LPP: variants seen among roughly 807,000 people sequenced by gnomAD.
LPP encodes LIM domain containing preferred translocation partner in lipoma, also known as lipoma-preferred partner.
A neutral mutation model predicts 60.4 loss-of-function variants in LPP; 38 were observed. The observed-to-expected ratio is 0.63, with a 90% CI of 0.49 to 0.83. LPP has a LOEUF of 0.83. Ranked by LOEUF, LPP falls within the 40% of genes least tolerant of loss-of-function variation. LPP has a pLI of 0.00. For missense variants in LPP, 902 were observed against 783.6 expected, an observed-to-expected ratio of 1.15 and a Z score of -1.80; for synonymous variants, 328 against 290.8, an observed-to-expected ratio of 1.13 and a Z score of -1.30.
At chr3:188,288,742 A>G (rs574983856) in intron 2 of LPP, among the ~76,000 whole-genome samples, 7 of 152,160 alleles carry the variant, frequency 4.6e-5, no homozygotes, top group Non-Finnish European at 1.0e-4. Flanking sequence ...CCGGGTTGAA[A>G]TACTTCTGCC....
At chr3:188,796,175 A>T (rs78153665) in intron 9 of LPP, among the ~76,000 whole-genome samples, 1 of 152,344 alleles carries the variant, frequency 6.6e-6, no homozygotes, top group East Asian at 1.9e-4. Context: ...TTAGACAGAG[A>T]TTAAGACAGG....
intron 7 of LPP, among the ~76,000 whole-genome samples, chr3:188,658,416 A>AT (rs11412618): frequency 0.98 from 149,615 of 152,126 alleles, 73,619 homozygotes; most frequent in East Asian, 1. Flanking sequence ...AACTGAAGTT[A>AT]TTTTTTAAAT....
At chr3:188,428,538 C>T (rs924715483) in intron 4 of LPP, among the ~76,000 whole-genome samples, 44 of 151,584 alleles carry the variant, frequency 2.9e-4, no homozygotes, top group African/African-American at 9.9e-4. Flanking sequence ...AGTCTTGGGT[C>T]TCACCCTCAA....
intron 7 of LPP, among the ~76,000 whole-genome samples, chr3:188,679,531 GTGTGTGT>G (rs1858953665): frequency 6.8e-6 from 1 of 146,694 alleles, no homozygotes; most frequent in Admixed American, 6.8e-5. Context: ...GTGTGTGTGT[GTGTGTGT>G]GTGTGTGTGT....
intron 8 of LPP, among the ~76,000 whole-genome samples, chr3:188,724,269 C>G (rs1442305305): frequency 6.6e-6 from 1 of 152,124 alleles, no homozygotes; most frequent in Non-Finnish European, 1.5e-5. Context: ...GCTCTTAACC[C>G]CTGCATATAC....
At chr3:188,742,003 A>C (rs566212321) in intron 8 of LPP, among the ~76,000 whole-genome samples, 50 of 152,242 alleles carry the variant, frequency 3.3e-4, no homozygotes, top group Admixed American at 5.2e-4. Flanking sequence ...AATAGATTTG[A>C]ACAGGTACTT....
chr3:188,624,575 C>G (rs977014370), intron 7 of LPP, among the ~76,000 whole-genome samples: 5 of 152,186 alleles, frequency 3.3e-5, no homozygotes, highest in African/African-American at 1.2e-4. Context: ...CGAACCTGAT[C>G]ATGTGAAAAG....
chr3:188,740,382 T>C (rs1159387145), intron 8 of LPP, among the ~76,000 whole-genome samples: 1 of 152,094 alleles, frequency 6.6e-6, no homozygotes, highest in African/African-American at 2.4e-5. Context: ...TATTCTCTAT[T>C]GGAGCATACC....
At chr3:188,560,452 G>A (rs1410926508) in intron 6 of LPP, among the ~76,000 whole-genome samples, 4 of 152,066 alleles carry the variant, frequency 2.6e-5, no homozygotes, top group Admixed American at 2.0e-4. Context: ...TATCTCCTAC[G>A]TAATGTAGTT....
intron 9 of LPP, among the ~76,000 whole-genome samples, chr3:188,836,626 TCTATTAGATGCGCTC>T (rs1479523136): frequency 6.6e-6 from 1 of 152,250 alleles, no homozygotes; most frequent in Non-Finnish European, 1.5e-5. Flanking sequence ...GCTGCTTAAT[TCTATTAGATGCGCTC>T]CCTAGGCTTT....
chr3:188,615,929 G>A (rs571326105), intron 7 of LPP, among the ~76,000 whole-genome samples: 43 of 152,114 alleles, frequency 2.8e-4, no homozygotes, highest in Non-Finnish European at 5.9e-4. Flanking sequence ...TTTTTGATGA[G>A]GTTGTTTGTT....
intron 9 of LPP, among the ~76,000 whole-genome samples, chr3:188,768,726 A>T (rs1480402551): frequency 1.3e-5 from 2 of 152,224 alleles, no homozygotes; most frequent in African/African-American, 4.8e-5. Context: ...TTTAAGAAAT[A>T]AAACATTAAA....
intron 5 of LPP, among the ~76,000 whole-genome samples, chr3:188,515,609 G>A (rs1040447149): frequency 6.6e-6 from 1 of 152,128 alleles, no homozygotes; most frequent in African/African-American, 2.4e-5. Context: ...TTGCACTTCA[G>A]ATTATGGAAA....
intron 9 of LPP, among the ~76,000 whole-genome samples, chr3:188,821,578 TC>T (rs1753974180): frequency 6.6e-6 from 1 of 152,054 alleles, no homozygotes; most frequent in Admixed American, 6.6e-5. Context: ...TTTTCCTTCT[TC>T]TTTTAAACTA....
intron 8 of LPP, among the ~76,000 whole-genome samples, chr3:188,725,874 T>C (rs1718191812): frequency 6.6e-6 from 1 of 152,084 alleles, no homozygotes; most frequent in African/African-American, 2.4e-5. Context: ...TTAATGGAAT[T>C]TTTCAGGTAA....
At chr3:188,371,254 G>A (rs1383729964) in intron 3 of LPP, among the ~76,000 whole-genome samples, 1 of 151,912 alleles carries the variant, frequency 6.6e-6, no homozygotes, top group African/African-American at 2.4e-5. Context: ...CACTATGGGG[G>A]TCATTAATTC....
In LPP at chr3:188,501,678, G is replaced by A. The variant is rs144412459; in HGVS notation, c.306+16974G>A. Among the ~76,000 whole-genome samples the A allele has an allele frequency of 2.7e-5, 4 of 148,148 alleles. 1 individual carries two copies. Among genetic ancestry groups the A allele is most frequent in the African/African-American group, 1.0e-4 (4 of 39,956 alleles). ...GCAGGAGAATGGCCTGAACCCTGGA[G>A]GCGGAGGTTGCAGTGAGCCGAGATC... On this transcript the variant is annotated intron_variant, in intron 5 of 11. Coordinates refer to ENST00000617246, the MANE Select transcript of LPP (RefSeq NM_001375462.1).
At chr3:188,426,874 C>T (rs1345967748) in intron 4 of LPP, among the ~76,000 whole-genome samples, 2 of 152,140 alleles carry the variant, frequency 1.3e-5, no homozygotes, top group African/African-American at 4.8e-5. Context: ...CTCTTGAATA[C>T]AGCACACTGA....
chr3:188,276,695 T>TTTC (rs1739914781), intron 2 of LPP, among the ~76,000 whole-genome samples: 6 of 16,414 alleles, frequency 3.7e-4, no homozygotes, highest in South Asian at 1.9e-3. Context: ...CTCTCTCTCT[T>TTTC]TCTCTCTCTC....
Sources: allele counts gnomAD v4.1 joint callset (sites outside exome capture counted in the v4.1 genomes callset), GRCh38; gene constraint gnomAD v4.1.1; transcripts MANE v1.5; gene names NCBI Gene and HGNC (gene_info 2026-07-23, HGNC 2026-07-21).